Variants in PRKN observed in about 807,000 individuals in gnomAD.
PRKN encodes the protein parkin RBR E3 ubiquitin protein ligase.
PRKN carries 56 observed loss-of-function variants against 59.5 expected under a neutral mutation model. The ratio of observed to expected loss-of-function variants is 0.94; its 90% CI spans 0.76 to 1.18. PRKN has a LOEUF of 1.18. Among genes scored for constraint, PRKN ranks in the 50% most tolerant of loss-of-function variants. PRKN has a pLI of 0.00. For synonymous variants in PRKN, 250 were observed against 222.1 expected (o/e 1.13, Z -1.12); for missense variants, 657 against 596.4 (o/e 1.10, Z -1.06).
intron 1 of PRKN, among the ~76,000 whole-genome samples, chr6:162,646,241 A>G (rs1778181511): frequency 6.7e-6 from 1 of 148,760 alleles, no homozygotes; most frequent in Admixed American, 6.8e-5. Context: ...TATAAAATAA[A>G]TAAAAGGTTT....
At chr6:162,218,533 C>T (rs1250115124) in intron 3 of PRKN, among the ~76,000 whole-genome samples, 1 of 152,148 alleles carries the variant, frequency 6.6e-6, no homozygotes, top group Non-Finnish European at 1.5e-5. Context: ...GGGGATTGGA[C>T]ATGAGTTATT....
intron 9 of PRKN, among the ~76,000 whole-genome samples, chr6:161,387,302 G>A (rs1039172287): frequency 1.1e-4 from 17 of 152,166 alleles, no homozygotes; most frequent in African/African-American, 4.1e-4. Context: ...GAGTTCTCAC[G>A]AGATCTGACG....
intron 4 of PRKN, among the ~76,000 whole-genome samples, chr6:162,064,413 T>C (rs1778241111): frequency 6.6e-6 from 1 of 152,194 alleles, no homozygotes; most frequent in Non-Finnish European, 1.5e-5. Flanking sequence ...TAATTTAAAA[T>C]AATAGACTGA....
At position 161,352,987 on chromosome 6, in the gene PRKN, C is replaced by T. The variant is rs1454216624; in HGVS notation, c.1286-2776G>A. On this transcript the variant is annotated intron_variant, in intron 11 of 11. Transcript: ENST00000366898. The surrounding 1 kb of genome is among the most constrained non-coding windows in gnomAD (Gnocchi z 5.8). ...TAGAGACGGGGTTTCACCATGTTGA[C>T]CAGGCTGGTCTCAAACTCCTGACCT... Among the ~76,000 whole-genome samples, 1 of 151,932 alleles carries T rather than the reference C, an allele frequency of 6.6e-6. No individual in the cohort carries two copies. Among genetic ancestry groups the T allele is most frequent in the Non-Finnish European group, 1.5e-5 (1 of 68,010 alleles).
chr6:161,350,234 G>A (rs376430600), intron 11 of PRKN, 23 bp from the exon 12 acceptor site: 1 of 1,559,726 alleles, frequency 6.4e-7, no homozygotes, highest in African/African-American at 1.4e-5. Flanking sequence ...GAAAACAAAG[G>A]TGTGGTGGGT....
intron 7 of PRKN, among the ~76,000 whole-genome samples, chr6:161,599,839 T>C (rs1217518004): frequency 6.6e-6 from 1 of 152,214 alleles, no homozygotes; most frequent in Non-Finnish European, 1.5e-5. Context: ...GGGCTTTCGT[T>C]TATTTTTGGA....
chr6:161,559,309 G>C (rs749416903), intron 8 of PRKN, among the ~76,000 whole-genome samples: 5 of 152,164 alleles, frequency 3.3e-5, no homozygotes, highest in Non-Finnish European at 7.4e-5. Context: ...GGCTACAAAG[G>C]CTGTTTTCCT....
intron 1 of PRKN, among the ~76,000 whole-genome samples, chr6:162,464,341 C>T (rs1197827613): frequency 1.3e-5 from 2 of 151,962 alleles, no homozygotes; most frequent in African/African-American, 4.8e-5. Context: ...TTTGCCACTG[C>T]CCTGTAATTA....
At position 162,273,235 on chromosome 6, in the gene PRKN, G is replaced by A. The variant is rs934712838; in HGVS notation, c.172-10470C>T. On this transcript the variant is annotated intron_variant, in intron 2 of 11. Transcript: ENST00000366898. ...AGTGAAAATGGTTACCTATGAGGGA[G>A]TAGGGAAATGGGTTAAAGGGATCGA... Among the ~76,000 whole-genome samples, 22 of 152,210 alleles carry A rather than the reference G, an allele frequency of 1.4e-4. No individual in the cohort carries two copies. In the East Asian group the frequency reaches 1.7e-3, roughly 12 times the overall value.
chr6:162,325,675 A>G (rs1783235607), intron 2 of PRKN, among the ~76,000 whole-genome samples: 1 of 152,138 alleles, frequency 6.6e-6, no homozygotes. Flanking sequence ...CATTTTACAC[A>G]ACATACATGT....
At chr6:161,663,646 C>CT (rs369425726) in intron 7 of PRKN, among the ~76,000 whole-genome samples, 1 of 152,148 alleles carries the variant, frequency 6.6e-6, no homozygotes, top group African/African-American at 2.4e-5. Context: ...AAATATTAGA[C>CT]TTTATCTGTC....
rs1288094292 is a variant in PRKN at position 161,355,505 on chromosome 6, A to G, written c.1285+4583T>C. On this transcript the variant is annotated intron_variant, in intron 11 of 11. Transcript: ENST00000366898. The surrounding 1 kb of genome is among the most constrained non-coding windows in gnomAD (Gnocchi z 6.8). ...CAACCTCCACCTCCTGGGTTCAACCAATTCTTGTGTCTCGGCCTCCCGAGT... is the reference window on the plus strand; with the variant it reads ...CAACCTCCACCTCCTGGGTTCAACCGATTCTTGTGTCTCGGCCTCCCGAGT... Among the ~76,000 whole-genome samples the G allele has an allele frequency of 1.3e-5, 2 of 152,068 alleles. No homozygotes were observed. Among genetic ancestry groups the G allele is most frequent in the African/African-American group, 4.8e-5 (2 of 41,406 alleles).
rs529473110 is a variant in PRKN at position 162,581,201 on chromosome 6, T to C, written c.8-137728A>G. Among the ~76,000 whole-genome samples the C allele has an allele frequency of 5.3e-5, 8 of 152,278 alleles. No homozygotes were observed. The South Asian group carries it at 8.3e-4, about 16-fold the overall frequency. ...AAAAGAATACCAAGCATCTGAGATA[T>C]AGGAGGTTAAGTGAAGGTCAAAAGA... On this transcript the variant is annotated intron_variant, in intron 1 of 11. Transcript: ENST00000366898.
intron 1 of PRKN, among the ~76,000 whole-genome samples, chr6:162,670,602 G>C (rs1376835410): frequency 6.6e-6 from 1 of 152,138 alleles, no homozygotes; most frequent in Non-Finnish European, 1.5e-5. Flanking sequence ...AAGAGGTCAA[G>C]CTCTTGTACC....
At chr6:162,133,884 G>A (rs1451272451) in intron 4 of PRKN, among the ~76,000 whole-genome samples, 2 of 152,134 alleles carry the variant, frequency 1.3e-5, no homozygotes, top group African/African-American at 2.4e-5. Context: ...GCTAGAGTGG[G>A]AGGTGAGCAT....
At chr6:161,767,487 C>T (rs1478933364) in intron 7 of PRKN, among the ~76,000 whole-genome samples, 1 of 150,090 alleles carries the variant, frequency 6.7e-6, no homozygotes, top group African/African-American at 2.5e-5. Context: ...ACTGCACTCC[C>T]GCCTGGGCGA....
chr6:162,129,839 T>C (rs1211480569), intron 4 of PRKN, among the ~76,000 whole-genome samples: 1 of 152,134 alleles, frequency 6.6e-6, no homozygotes, highest in Non-Finnish European at 1.5e-5. Context: ...AAACTATTTT[T>C]ACAACATCTG....
At chr6:161,534,843 T>G (rs1423318949) in intron 9 of PRKN, among the ~76,000 whole-genome samples, 1 of 152,208 alleles carries the variant, frequency 6.6e-6, no homozygotes, top group African/African-American at 2.4e-5. Context: ...ATTTTCCCCC[T>G]TGGTGCATGT....
In PRKN at chr6:161,581,676, G is replaced by T. The variant is rs935404882; in HGVS notation, c.872-12260C>A. 2.6e-5 allele frequency among the ~76,000 whole-genome samples: 4 copies of T among 152,174 alleles called. No homozygotes were observed. Among genetic ancestry groups the T allele is most frequent in the African/African-American group, 7.2e-5 (3 of 41,450 alleles). On this transcript the variant is annotated intron_variant, in intron 7 of 11. Coordinates refer to ENST00000366898, the MANE Select transcript of PRKN (RefSeq NM_004562.3). The surrounding 1 kb of genome is among the most constrained non-coding windows in gnomAD (Gnocchi z 4.5). ...AGAATGGAAGAAATGAAGGAAAAAT[G>T]GAATCGCTGGCCTGAGAATGAACAT...
Sources: gnomAD v4.1 joint callset for allele counts (sites outside exome capture counted in the v4.1 genomes callset) on GRCh38, gnomAD v4.1.1 for gene constraint, Gnocchi (gnomAD v3.1) non-coding constraint, MANE v1.5 for transcripts, NCBI Gene and HGNC (gene_info 2026-07-23, HGNC 2026-07-21) for gene names.